SGCZ: variants seen among roughly 807,000 people sequenced by gnomAD.
SGCZ encodes the protein zeta-sarcoglycan.
In SGCZ, 40 loss-of-function variants were observed where a neutral mutation model predicts 41.3. The ratio of observed to expected loss-of-function variants is 0.97; its 90% CI spans 0.75 to 1.26. SGCZ has a LOEUF of 1.26. SGCZ is among the 50% of genes most tolerant of loss of function. The probability of loss-of-function intolerance (pLI) is 0.00; values close to 1 mark genes in which losing one functional copy is unlikely to be tolerated. For missense variants in SGCZ, 552 were observed against 369.8 expected, an observed-to-expected ratio of 1.49 and a Z score of -4.04; for synonymous variants, 206 against 137.5, an observed-to-expected ratio of 1.50 and a Z score of -3.49.
intron 1 of SGCZ, among the ~76,000 whole-genome samples, chr8:14,628,920 C>T (rs576086352): frequency 6.6e-6 from 1 of 152,018 alleles, no homozygotes; most frequent in Non-Finnish European, 1.5e-5. Flanking sequence ...GAATAAAAAC[C>T]ATCTGTACTT....
chr8:14,768,127 A>G (rs1170940747), intron 1 of SGCZ, among the ~76,000 whole-genome samples: 1 of 152,230 alleles, frequency 6.6e-6, no homozygotes, highest in African/African-American at 2.4e-5. Flanking sequence ...GAATATGCAG[A>G]GAAAGAGAAA....
chr8:14,730,447 T>G (rs1810200241), intron 1 of SGCZ, among the ~76,000 whole-genome samples: 2 of 132,158 alleles, frequency 1.5e-5, no homozygotes, highest in African/African-American at 7.4e-5. Context: ...GTATGTTCTA[T>G]TTTTTTTTCT....
At chr8:14,555,203 T>A (rs972984011) in intron 1 of SGCZ, among the ~76,000 whole-genome samples, 64 of 152,154 alleles carry the variant, frequency 4.2e-4, no homozygotes, top group African/African-American at 1.5e-3. Context: ...AGTTTTTCCC[T>A]TGGGAGGCTC....
intron 2 of SGCZ, among the ~76,000 whole-genome samples, chr8:14,362,528 G>A: frequency 6.6e-6 from 1 of 152,200 alleles, no homozygotes; most frequent in Non-Finnish European, 1.5e-5. Context: ...CTCCTGGTTT[G>A]CTGGTTACGA....
intron 3 of SGCZ, among the ~76,000 whole-genome samples, chr8:14,310,402 T>C (rs1171246073): frequency 6.6e-6 from 1 of 152,200 alleles, no homozygotes; most frequent in African/African-American, 2.4e-5. Flanking sequence ...CTCAAATCAG[T>C]GATCTATGTT....
chr8:15,136,492 TG>T (rs1193998874), intron 1 of SGCZ, among the ~76,000 whole-genome samples: 2 of 152,032 alleles, frequency 1.3e-5, no homozygotes, highest in Non-Finnish European at 2.9e-5. Flanking sequence ...TGATATTGTT[TG>T]GCTGAGTCCC....
chr8:14,228,252 C>A (rs1248420113), intron 4 of SGCZ, among the ~76,000 whole-genome samples: 1 of 151,998 alleles, frequency 6.6e-6, no homozygotes, highest in East Asian at 1.9e-4. Context: ...CGACGTCCCA[C>A]AAAGGAAGCC....
chr8:14,535,432 T>C (rs1253231235), intron 2 of SGCZ, among the ~76,000 whole-genome samples: 1 of 151,866 alleles, frequency 6.6e-6, no homozygotes, highest in Admixed American at 6.6e-5. Context: ...TTACATCTGG[T>C]AAAAGGTCAC....
intron 2 of SGCZ, among the ~76,000 whole-genome samples, chr8:14,325,044 C>A (rs1227695370): frequency 6.6e-6 from 1 of 151,938 alleles, no homozygotes; most frequent in Non-Finnish European, 1.5e-5. Context: ...CATTTTGGAG[C>A]CGGAGAAAGG....
intron 1 of SGCZ, among the ~76,000 whole-genome samples, chr8:14,911,803 T>C (rs1242979782): frequency 2.0e-5 from 3 of 151,904 alleles, no homozygotes; most frequent in African/African-American, 7.2e-5. Flanking sequence ...CCTCAAGTAT[T>C]AATTAGGTTC....
intron 1 of SGCZ, among the ~76,000 whole-genome samples, chr8:14,919,462 T>C (rs1799527337): frequency 6.6e-6 from 1 of 152,034 alleles, no homozygotes; most frequent in Admixed American, 6.6e-5. Context: ...ACAATTAAAA[T>C]ATTTCAGATG....
At chr8:14,858,718 T>C (rs1235704655) in intron 1 of SGCZ, among the ~76,000 whole-genome samples, 1 of 152,154 alleles carries the variant, frequency 6.6e-6, no homozygotes, top group East Asian at 1.9e-4. Context: ...TGTAACATAA[T>C]ACATTGGTCA....
chr8:14,399,729 AT>A, intron 2 of SGCZ, among the ~76,000 whole-genome samples: 1 of 152,216 alleles, frequency 6.6e-6, no homozygotes, highest in African/African-American at 2.4e-5. Flanking sequence ...CCTAATCAAT[AT>A]TTTTCAATAA....
chr8:14,799,035 A>T (rs745815798), intron 1 of SGCZ, among the ~76,000 whole-genome samples: 8 of 151,936 alleles, frequency 5.3e-5, no homozygotes, highest in Admixed American at 2.6e-4. Flanking sequence ...CATTTTCTTG[A>T]TCTCAAAAAT....
chr8:14,209,180 T>TA (rs1165880232), intron 4 of SGCZ, among the ~76,000 whole-genome samples: 1 of 152,212 alleles, frequency 6.6e-6, no homozygotes, highest in Non-Finnish European at 1.5e-5. Context: ...CCCAGAACGT[T>TA]ATGTAAACGT....
At chr8:14,832,346 C>A (rs75912476) in intron 1 of SGCZ, among the ~76,000 whole-genome samples, 4,812 of 152,082 alleles carry the variant, frequency 0.032, 181 homozygotes, top group African/African-American at 0.09. Context: ...AAAAATTCAG[C>A]CTAAAAGATT....
At chr8:15,090,561 T>C (rs1806120737) in intron 1 of SGCZ, among the ~76,000 whole-genome samples, 1 of 152,136 alleles carries the variant, frequency 6.6e-6, no homozygotes, top group Non-Finnish European at 1.5e-5. Flanking sequence ...AACACAAGCA[T>C]ATTCCTAAAA....
chr8:14,226,677 T>C (rs1336544071), intron 4 of SGCZ, among the ~76,000 whole-genome samples: 1 of 152,110 alleles, frequency 6.6e-6, no homozygotes, highest in Non-Finnish European at 1.5e-5. Context: ...TATAGAAACT[T>C]TATGGTGTAA....
intron 2 of SGCZ, among the ~76,000 whole-genome samples, chr8:14,497,558 GTA>G (rs967758200): frequency 5.6e-5 from 8 of 143,504 alleles, no homozygotes; most frequent in African/African-American, 2.0e-4. Flanking sequence ...TTGTGTGTGC[GTA>G]TGTGTGTGTG....
Sources: allele counts gnomAD v4.1 joint callset (sites outside exome capture counted in the v4.1 genomes callset), GRCh38; gene constraint gnomAD v4.1.1; transcripts MANE v1.5; gene names NCBI Gene and HGNC (gene_info 2026-07-23, HGNC 2026-07-21).